Variants in KCTD1 observed in about 807,000 individuals in gnomAD.
KCTD1 encodes potassium channel tetramerization domain containing 1.
KCTD1 carries 24 observed loss-of-function variants against 66.0 expected under a neutral mutation model. That is an observed-to-expected ratio of 0.36 (90% CI 0.26 to 0.51). KCTD1 has a LOEUF of 0.51. Among genes scored for constraint, KCTD1 ranks in the 20% least tolerant of loss-of-function variants. KCTD1 has a pLI of 0.95. For synonymous variants in KCTD1, 511 were observed against 517.2 expected (o/e 0.99, Z 0.16); for missense variants, 943 against 1,205.2 (o/e 0.78, Z 3.22).
At chr18:26,656,894 G>A (rs1456352842) in intron 1 of KCTD1, among the ~76,000 whole-genome samples, 4 of 149,350 alleles carry the variant, frequency 2.7e-5, no homozygotes, top group African/African-American at 9.7e-5. Context: ...CTCGGGGGAG[G>A]AGGGAGGGGC....
At chr18:26,514,982 G>A (rs1394269085) in intron 1 of KCTD1, among the ~76,000 whole-genome samples, 1 of 152,180 alleles carries the variant, frequency 6.6e-6, no homozygotes, top group African/African-American at 2.4e-5. Flanking sequence ...AAAGACAGCA[G>A]TGAACAATCA....
chr18:26,535,757 T>C (rs535687940), intron 1 of KCTD1, among the ~76,000 whole-genome samples: 1 of 152,180 alleles, frequency 6.6e-6, no homozygotes, highest in Non-Finnish European at 1.5e-5. Context: ...AGTACCAGTG[T>C]AGAAGTGGCC....
chr18:26,584,305 T>C (rs1986423610), intron 1 of KCTD1, among the ~76,000 whole-genome samples: 1 of 152,148 alleles, frequency 6.6e-6, no homozygotes, highest in South Asian at 2.1e-4. Context: ...ATTTTGAAGA[T>C]TGGGGGAATA....
In KCTD1 at chr18:26,615,433, G is replaced by A. The variant is rs149054459; in HGVS notation, c.-16+13714C>T. Among the ~76,000 whole-genome samples, 1,060 of 152,300 alleles carry A rather than the reference G, an allele frequency of 7.0e-3. 9 individuals carry two copies. The highest frequency in any genetic ancestry group is 0.024 in the African/African-American group (1,005 of 41,562). On this transcript the variant is annotated intron_variant, in intron 1 of 4. Transcript: ENST00000317932. The stretch of plus-strand genomic sequence containing the variant: ...GGGAGGAGTCCGTGGATAGAGAAGG[G>A]GATGGGAGACTTAAATAATATAAGA...
At chr18:26,637,029 T>A (rs1156769835) in intron 1 of KCTD1, among the ~76,000 whole-genome samples, 1 of 152,172 alleles carries the variant, frequency 6.6e-6, no homozygotes, top group African/African-American at 2.4e-5. Flanking sequence ...CCCGCTGCGG[T>A]CCCTGCCATG....
rs1426896147 is a variant in KCTD1 at position 26,532,264 on chromosome 18, T to TC, written c.1809+14463_1809+14464insG. On this transcript the variant is annotated intron_variant, in intron 1 of 4. Transcript: ENST00000580059. ...TTTCTTTTTCTTTTCTTTCCTTCTT[T>TC]TTTTTTTTTTTTTTTTTTTTTTTGA... 1.2e-3 allele frequency among the ~76,000 whole-genome samples: 50 copies of TC among 40,992 alleles called. 2 individuals are homozygous for TC. Among genetic ancestry groups the TC allele is most frequent in the East Asian group, 6.6e-3 (5 of 752 alleles). The allele number at this position is 40,992 out of a possible 152,430, so 26.9% of individuals were successfully genotyped here. A position where few individuals can be genotyped will look rare whatever the true frequency, so the allele number is the denominator to read the frequency against.
chr18:26,522,994 G>C (rs1261914374), intron 1 of KCTD1, among the ~76,000 whole-genome samples: 29 of 152,086 alleles, frequency 1.9e-4, no homozygotes, highest in Admixed American at 1.9e-3. Context: ...GACAGCCATG[G>C]GGTAACTTTT....
At chr18:26,522,145 C>A (rs1174616578) in intron 1 of KCTD1, among the ~76,000 whole-genome samples, 1 of 152,104 alleles carries the variant, frequency 6.6e-6, no homozygotes, top group Non-Finnish European at 1.5e-5. Context: ...AAGTTCTAAC[C>A]CAGTACCTCA....
intron 1 of KCTD1, among the ~76,000 whole-genome samples, chr18:26,656,349 C>T (rs2145090432): frequency 6.6e-6 from 1 of 152,318 alleles, no homozygotes; most frequent in East Asian, 1.9e-4. Flanking sequence ...CCCAAGGAGA[C>T]TTCTAATCCG....
At chr18:26,608,022 C>T (rs562795047) in intron 1 of KCTD1, among the ~76,000 whole-genome samples, 43 of 152,186 alleles carry the variant, frequency 2.8e-4, no homozygotes, top group Non-Finnish European at 6.2e-4. Flanking sequence ...CTTCCCACCT[C>T]AGCCTCCCAA....
At chr18:26,612,149 T>C (rs1349666952) in intron 1 of KCTD1, among the ~76,000 whole-genome samples, 2 of 152,152 alleles carry the variant, frequency 1.3e-5, no homozygotes, top group African/African-American at 2.4e-5. Flanking sequence ...GATCAAATTC[T>C]GTTAAATAAT....
chr18:26,657,030 G>C (rs1168232714), intron 1 of KCTD1, among the ~76,000 whole-genome samples: 2 of 149,526 alleles, frequency 1.3e-5, no homozygotes, highest in Non-Finnish European at 3.0e-5. Context: ...TCCGGAACCC[G>C]GCCCAGAGAT....
intron 1 of KCTD1, among the ~76,000 whole-genome samples, chr18:26,502,758 T>G (rs1982831418): frequency 6.6e-6 from 1 of 152,220 alleles, no homozygotes; most frequent in African/African-American, 2.4e-5. Context: ...AGCCAAAGAT[T>G]GTTTTCAAAC....
At chr18:26,614,915 A>G (rs1987216811) in intron 1 of KCTD1, among the ~76,000 whole-genome samples, 1 of 152,222 alleles carries the variant, frequency 6.6e-6, no homozygotes, top group South Asian at 2.1e-4. Flanking sequence ...GCTTTCACTA[A>G]CAATTTGCTC....
In KCTD1 at chr18:26,546,940, T is replaced by G; in HGVS notation, c.1597A>C (p.Lys533Gln). Residue 533 changes from lysine (K) to glutamine (Q), a missense_variant, in exon 1 of 5, where the codon AAG (lysine) becomes CAG (glutamine). By Grantham distance (53) the Lys-to-Gln change is moderately conservative. Around this residue, in one of 10 missense-constraint regions of KCTD1, gnomAD observed 197 missense variants for 182.7 expected, o/e 1.08. Transcript: ENST00000580059. ...AACACAGACTCGTACAGGGCGCGCTTGGGCGCAGCCTCGGATTTCACGTCG... is the reference window on the plus strand; with the variant it reads ...AACACAGACTCGTACAGGGCGCGCTGGGGCGCAGCCTCGGATTTCACGTCG... ...GPDVKSEAAP[K>Q]RALYESVFGS... The G allele has an allele frequency of 6.8e-7, 1 of 1,474,096 alleles. No individual in the cohort carries two copies. Among genetic ancestry groups the G allele is most frequent in the Non-Finnish European group, 9.0e-7 (1 of 1,109,358 alleles). 91.3% of individuals were successfully genotyped at this position (1,474,096 alleles called of 1,614,324 possible).
At position 26,560,026 on chromosome 18, in the gene KCTD1, A is replaced by G. The variant is rs183110071; in HGVS notation, c.-15-58776T>C. On this transcript the variant is annotated intron_variant, in intron 1 of 4. Coordinates refer to the KCTD1 transcript ENST00000317932. ...CCTTCTCTTTGGGAGGCTTTACATT[A>G]CATGTGATTCTCAACATTGGCTATA... Among the ~76,000 whole-genome samples the G allele has an allele frequency of 3.9e-5, 6 of 152,250 alleles. No homozygotes were observed. In the East Asian group the frequency reaches 1.2e-3, roughly 29 times the overall value.
At chr18:26,501,377 C>T in intron 1 of KCTD1, 127 bp from the exon 2 acceptor site, 2 of 791,836 alleles carry the variant, frequency 2.5e-6, no homozygotes, top group South Asian at 2.7e-5. Flanking sequence ...GAAAAACCGG[C>T]AAGCTCTTGC....
chr18:26,524,192 C>T (rs1372011083), intron 1 of KCTD1, among the ~76,000 whole-genome samples: 2 of 152,206 alleles, frequency 1.3e-5, no homozygotes, highest in African/African-American at 4.8e-5. Context: ...TGCTTTCCAG[C>T]AGGGGTAGGG....
chr18:26,589,967 C>A (rs538532716), intron 1 of KCTD1, among the ~76,000 whole-genome samples: 2 of 152,084 alleles, frequency 1.3e-5, no homozygotes, highest in African/African-American at 4.8e-5. Context: ...CAAGGGGAGT[C>A]GATCTGAGAA....
Sources: allele counts gnomAD v4.1 joint callset (sites outside exome capture counted in the v4.1 genomes callset), GRCh38; gene constraint gnomAD v4.1.1; regional missense constraint gnomAD v4.1.1; transcripts MANE v1.5; gene names NCBI Gene and HGNC (gene_info 2026-07-23, HGNC 2026-07-21).